The following RIMS2 variants were observed in gnomAD, a reference collection of about 807,000 sequenced individuals.
RIMS2 encodes regulating synaptic membrane exocytosis protein 2.
A neutral mutation model predicts 174.4 loss-of-function variants in RIMS2; 59 were observed. The ratio of observed to expected loss-of-function variants is 0.34; its 90% confidence interval spans 0.27 to 0.42. RIMS2 has a LOEUF of 0.42. Among genes scored for constraint, RIMS2 ranks in the 10% least tolerant of loss-of-function variants. The pLI is 1.00. For missense variants in RIMS2, 1,620 were observed against 1,666.3 expected (o/e 0.97, Z 0.48); for synonymous variants, 606 against 572.5 (o/e 1.06, Z -0.84).
intron 19 of RIMS2, among the ~76,000 whole-genome samples, chr8:104,134,956 A>G (rs896336802): frequency 2.0e-5 from 3 of 152,132 alleles, no homozygotes; most frequent in East Asian, 1.9e-4. Flanking sequence ...GTACCTCAAA[A>G]TAGATCCTGT....
intron 20 of RIMS2, among the ~76,000 whole-genome samples, chr8:104,245,457 G>A (rs569088152): frequency 2.0e-5 from 3 of 152,132 alleles, no homozygotes; most frequent in Non-Finnish European, 4.4e-5. Context: ...TGGAATGCTG[G>A]CGTATACTTA....
chr8:103,821,167 T>A (rs1279701905), intron 3 of RIMS2, among the ~76,000 whole-genome samples: 1 of 151,698 alleles, frequency 6.6e-6, no homozygotes, highest in Non-Finnish European at 1.5e-5. Flanking sequence ...AATAACTATT[T>A]TTTGAGGGAA....
chr8:103,953,220 G>A (rs1169741622), intron 14 of RIMS2, among the ~76,000 whole-genome samples: 3 of 149,922 alleles, frequency 2.0e-5, no homozygotes, highest in African/African-American at 7.2e-5. Context: ...TGGCAAGGCA[G>A]GCCAACATTC....
At chr8:103,568,784 T>G in intron 1 of RIMS2, 1 of 1,137,714 alleles carries the variant, frequency 8.8e-7, no homozygotes. Context: ...CATGAATGTC[T>G]TTTGCTGTTT....
chr8:103,545,883 T>A (rs752992368), intron 1 of RIMS2, among the ~76,000 whole-genome samples: 2 of 152,170 alleles, frequency 1.3e-5, no homozygotes, highest in Non-Finnish European at 2.9e-5. Flanking sequence ...TCTCTGATCC[T>A]TAAGAGAGGG....
At chr8:103,791,759 G>A (rs2098501553) in intron 3 of RIMS2, among the ~76,000 whole-genome samples, 2 of 152,098 alleles carry the variant, frequency 1.3e-5, no homozygotes, top group Non-Finnish European at 2.9e-5. Context: ...AAAAAAGGTA[G>A]GGGTTGCAAT....
chr8:103,897,536 A>T (rs2099293459), intron 4 of RIMS2, among the ~76,000 whole-genome samples: 1 of 151,712 alleles, frequency 6.6e-6, no homozygotes. Context: ...TGATGCTCAA[A>T]TATGGATCAC....
chr8:103,985,941 G>A (rs142035620), intron 16 of RIMS2, among the ~76,000 whole-genome samples: 2 of 152,216 alleles, frequency 1.3e-5, no homozygotes, highest in African/African-American at 4.8e-5. Flanking sequence ...AGAGAAAAGA[G>A]CCTGGTGGGG....
intron 1 of RIMS2, among the ~76,000 whole-genome samples, chr8:103,599,845 T>C (rs1391148273): frequency 6.6e-6 from 1 of 152,200 alleles, no homozygotes; most frequent in Non-Finnish European, 1.5e-5. Context: ...AATCACATCA[T>C]GGAAAATAGG....
At chr8:103,679,152 A>G (rs553698197) in intron 1 of RIMS2, among the ~76,000 whole-genome samples, 16 of 152,204 alleles carry the variant, frequency 1.1e-4, no homozygotes, top group African/African-American at 3.8e-4. Context: ...TTACAAAGCC[A>G]GAACACTATA....
intron 2 of RIMS2, among the ~76,000 whole-genome samples, chr8:103,730,286 T>C (rs1396634997): frequency 1.3e-5 from 2 of 151,998 alleles, no homozygotes; most frequent in African/African-American, 4.8e-5. Context: ...GCAATTGTTA[T>C]ATATATAGAG....
chr8:103,754,559 A>T (rs967447768), intron 2 of RIMS2, among the ~76,000 whole-genome samples: 3 of 152,042 alleles, frequency 2.0e-5, no homozygotes, highest in Non-Finnish European at 4.4e-5. Flanking sequence ...ATTGTGTGGG[A>T]GTCTAAGTCT....
intron 2 of RIMS2, among the ~76,000 whole-genome samples, chr8:103,725,237 GTGTAACT>G (rs1311927784): frequency 6.6e-6 from 1 of 152,184 alleles, no homozygotes; most frequent in East Asian, 1.9e-4. Context: ...AAAAATTGAA[GTGTAACT>G]TGTACATAAT....
chr8:104,250,425 A>G (rs1324307651), intron 22 of RIMS2, among the ~76,000 whole-genome samples: 3 of 152,184 alleles, frequency 2.0e-5, no homozygotes, highest in African/African-American at 7.2e-5. Flanking sequence ...AGTTGTGTTT[A>G]TATATGTCTT....
At chr8:104,159,543 C>G (rs1266057472) in intron 19 of RIMS2, among the ~76,000 whole-genome samples, 2 of 152,152 alleles carry the variant, frequency 1.3e-5, no homozygotes, top group Admixed American at 1.3e-4. Flanking sequence ...CAGTAGTGCA[C>G]AAGAGTTCCA....
At chr8:104,104,493 A>AC (rs2097992111) in intron 19 of RIMS2, among the ~76,000 whole-genome samples, 1 of 152,198 alleles carries the variant, frequency 6.6e-6, no homozygotes, top group Non-Finnish European at 1.5e-5. Flanking sequence ...GCTAAATAAG[A>AC]AGGAAGACAA....
At chr8:103,779,557 C>T (rs908819044) in intron 3 of RIMS2, among the ~76,000 whole-genome samples, 3 of 151,754 alleles carry the variant, frequency 2.0e-5, no homozygotes, top group South Asian at 2.1e-4. Context: ...AGTTGGCTAT[C>T]GAATACTATG....
At chr8:104,060,053 C>A (rs910211561) in intron 19 of RIMS2, among the ~76,000 whole-genome samples, 3 of 151,618 alleles carry the variant, frequency 2.0e-5, no homozygotes, top group African/African-American at 7.3e-5. Context: ...TGTCTCTGCC[C>A]GGCTTTGGTA....
intron 2 of RIMS2, among the ~76,000 whole-genome samples, chr8:103,727,770 G>C (rs915416199): frequency 2.0e-5 from 3 of 152,056 alleles, no homozygotes; most frequent in African/African-American, 7.2e-5. Flanking sequence ...TTGTTTCTGG[G>C]TTCTGTAGTG....
Sources: allele counts gnomAD v4.1 joint callset (sites outside exome capture counted in the v4.1 genomes callset), GRCh38; gene constraint gnomAD v4.1.1; transcripts MANE v1.5; gene names NCBI Gene and HGNC (gene_info 2026-07-23, HGNC 2026-07-21).